Variants in SMIM13 observed in about 807,000 individuals in gnomAD.
SMIM13 encodes the protein UPF0766 protein C6orf228.
A neutral mutation model predicts 5.9 loss-of-function variants in SMIM13; 3 were observed. The ratio of observed to expected loss-of-function variants is 0.51; its 90% confidence interval spans 0.23 to 1.31. The LOEUF is 1.31. SMIM13 is among the 40% of genes most tolerant of loss of function. The pLI, the probability that SMIM13 is intolerant of heterozygous loss-of-function variation, is 0.18. For synonymous variants in SMIM13, 55 were observed against 46.0 expected, an observed-to-expected ratio of 1.19 and a Z score of -0.79; for missense variants, 85 against 109.9, an observed-to-expected ratio of 0.77 and a Z score of 1.01.
chr6:11,114,104 T>C (rs535987027), intron 1 of SMIM13, among the ~76,000 whole-genome samples: 1 of 151,812 alleles, frequency 6.6e-6, no homozygotes, highest in African/African-American at 2.4e-5. Flanking sequence ...CTCAGCCTCC[T>C]GAGTAGCTGG....
At chr6:11,105,060 C>T in intron 1 of SMIM13, 1 of 1,614,146 alleles carries the variant, frequency 6.2e-7, no homozygotes, top group Non-Finnish European at 8.5e-7. Context: ...CCTCATCAGT[C>T]CTTTCAGATT....
chr6:11,123,641 T>A (rs538972413), intron 1 of SMIM13, among the ~76,000 whole-genome samples: 2 of 152,340 alleles, frequency 1.3e-5, no homozygotes, highest in East Asian at 3.9e-4. Flanking sequence ...TTTCTTACAG[T>A]TCTTATCCCA....
Position 11,111,292 on chromosome 6 carries a change from G to A in SMIM13, c.76+16903G>A, listed in dbSNP as rs183983980. ...AAGGCAGTTGGTCCAATGGGTGTGC[G>A]AGGTCATTTTGGAATACATACAGAG... On this transcript the variant is annotated intron_variant, in intron 1 of 1. Coordinates refer to ENST00000416247, the MANE Select transcript of SMIM13 (RefSeq NM_001135575.2). Among the ~76,000 whole-genome samples, 457 of 152,346 alleles carry A rather than the reference G, an allele frequency of 3.0e-3. 4 individuals are homozygous for A. The highest frequency in any genetic ancestry group is 4.7e-3 in the Non-Finnish European group (323 of 68,036).
chr6:11,104,918 C>T (rs375359410), intron 1 of SMIM13: 36 of 1,613,996 alleles, frequency 2.2e-5, no homozygotes, highest in Admixed American at 1.0e-4. Flanking sequence ...TTCCATTTTT[C>T]CTTTTGGCCA....
intron 1 of SMIM13, among the ~76,000 whole-genome samples, chr6:11,121,650 C>T (rs767955643): frequency 3.3e-5 from 5 of 152,170 alleles, no homozygotes; most frequent in Non-Finnish European, 7.3e-5. Flanking sequence ...AAGGGTGATG[C>T]TTTATTTTCT....
At chr6:11,129,101 G>T (rs892520605) in intron 1 of SMIM13, among the ~76,000 whole-genome samples, 2 of 151,788 alleles carry the variant, frequency 1.3e-5, no homozygotes, top group Non-Finnish European at 2.9e-5. Flanking sequence ...ATCACTGGAG[G>T]CTTCTGTTTG....
At chr6:11,118,555 C>T (rs554819626) in intron 1 of SMIM13, among the ~76,000 whole-genome samples, 13 of 152,260 alleles carry the variant, frequency 8.5e-5, no homozygotes, top group Middle Eastern at 6.8e-3. Context: ...AAACTTGTTT[C>T]TCATAGGGAA....
At chr6:11,107,797 T>C (rs928752848) in intron 1 of SMIM13, among the ~76,000 whole-genome samples, 1 of 152,202 alleles carries the variant, frequency 6.6e-6, no homozygotes, top group Non-Finnish European at 1.5e-5. Flanking sequence ...TGGGGTGTTA[T>C]AGGGTATTAA....
intron 1 of SMIM13, among the ~76,000 whole-genome samples, chr6:11,129,082 G>GA (rs952447011): frequency 2.0e-5 from 3 of 151,548 alleles, no homozygotes; most frequent in African/African-American, 4.8e-5. Context: ...CGGGAGCGGG[G>GA]GGGGGATGAT....
chr6:11,104,106 A>G (rs1174223134), intron 1 of SMIM13: 7 of 1,551,654 alleles, frequency 4.5e-6, no homozygotes, highest in Non-Finnish European at 5.2e-6. Flanking sequence ...TTGTTCTTGC[A>G]TGGTCGTTAA....
At chr6:11,103,963 C>T (rs1758040339) in intron 1 of SMIM13, 1 of 1,551,562 alleles carries the variant, frequency 6.4e-7, no homozygotes, top group Non-Finnish European at 8.7e-7. Context: ...CTGATGTTGT[C>T]TTGTACTTTT....
intron 1 of SMIM13, chr6:11,104,801 T>C: frequency 6.2e-7 from 1 of 1,614,210 alleles, no homozygotes; most frequent in Non-Finnish European, 8.5e-7. Flanking sequence ...TGGGGAATCT[T>C]GGTTGATGGC....
chr6:11,116,983 T>TTTC (rs1491101347), intron 1 of SMIM13, among the ~76,000 whole-genome samples: 6 of 49,270 alleles, frequency 1.2e-4, no homozygotes, highest in African/African-American at 5.5e-4. Flanking sequence ...TAATTGTTTC[T>TTTC]TTTTTTTTTT....
At position 11,114,592 on chromosome 6, in the gene SMIM13, C is replaced by CTCTTTTTTTTTTTTTT. The variant is rs1758212653; in HGVS notation, c.77-19810_77-19809insCTTTTTTTTTTTTTTT. ...ATTGAGATGGTCATGCACTTTTTCT[C>CTCTTTTTTTTTTTTTT]TTTTTTTTTTTTTTTTTTTTTTTTG... On this transcript the variant is annotated intron_variant, in intron 1 of 1. Transcript: ENST00000416247. Among the ~76,000 whole-genome samples the CTCTTTTTTTTTTTTTT allele has an allele frequency of 5.0e-4, 11 of 21,840 alleles. 1 individual carries two copies. The highest frequency in any genetic ancestry group is 7.4e-4 in the Non-Finnish European group (10 of 13,552). 14.3% of individuals were successfully genotyped at this position (21,840 alleles called of 152,430 possible).
At chr6:11,116,593 G>GT (rs1383451065) in intron 1 of SMIM13, among the ~76,000 whole-genome samples, 2 of 152,288 alleles carry the variant, frequency 1.3e-5, no homozygotes, top group Non-Finnish European at 2.9e-5. Context: ...CAGAGTTTGT[G>GT]TTTTTCAGGC....
intron 1 of SMIM13, among the ~76,000 whole-genome samples, chr6:11,106,217 C>G (rs898872923): frequency 1.3e-5 from 2 of 152,198 alleles, no homozygotes; most frequent in Non-Finnish European, 2.9e-5. Flanking sequence ...TGTGCCTTTT[C>G]AGTCCTTGTG....
At chr6:11,124,680 GT>G (rs1758353261) in intron 1 of SMIM13, among the ~76,000 whole-genome samples, 1 of 152,118 alleles carries the variant, frequency 6.6e-6, no homozygotes, top group South Asian at 2.1e-4. Flanking sequence ...ACCAGCAATC[GT>G]TATTGTCTAT....
chr6:11,119,881 T>C (rs557339677), intron 1 of SMIM13, among the ~76,000 whole-genome samples: 1 of 152,334 alleles, frequency 6.6e-6, no homozygotes, highest in East Asian at 1.9e-4. Context: ...AGGGGCTTAA[T>C]AACTTCTAGC....
chr6:11,096,970 C>T (rs911865058), intron 1 of SMIM13, among the ~76,000 whole-genome samples: 5 of 152,302 alleles, frequency 3.3e-5, no homozygotes, highest in Non-Finnish European at 7.4e-5. Flanking sequence ...GGATTACAGG[C>T]GTGAGCCACA....
Sources: gnomAD v4.1 joint callset for allele counts (sites outside exome capture counted in the v4.1 genomes callset) on GRCh38, gnomAD v4.1.1 for gene constraint, MANE v1.5 for transcripts, NCBI Gene and HGNC (gene_info 2026-07-23, HGNC 2026-07-21) for gene names.